The following ZER1 variants were observed in gnomAD, a reference collection of about 807,000 sequenced individuals.
ZER1 encodes the protein zyg-11 related cell cycle regulator.
A neutral mutation model predicts 78.8 loss-of-function variants in ZER1; 11 were observed. The ratio of observed to expected loss-of-function variants is 0.14; its 90% CI spans 0.09 to 0.23. ZER1 has a LOEUF of 0.23. Among genes scored for constraint, ZER1 ranks in the 10% least tolerant of loss-of-function variants. The pLI is 1.00. For missense variants in ZER1, 588 were observed against 996.9 expected, an observed-to-expected ratio of 0.59 and a Z score of 5.52; for synonymous variants, 400 against 407.0, an observed-to-expected ratio of 0.98 and a Z score of 0.21.
rs767259683 is a variant in ZER1 at position 128,755,587 on chromosome 9, C to T, written c.-22G>A. On this transcript the variant is annotated 5_prime_UTR_variant, in exon 2 of 16. Transcript: ENST00000291900. The surrounding 1 kb of genome is among the most constrained non-coding windows in gnomAD (Gnocchi z 5.6). The stretch of plus-strand genomic sequence containing the variant: ...CCATGCTGGGGGCAAGCAGGTGGGC[C>T]ACTCCAGGACAAGGATCCCCAGGGG... 2 of 1,598,990 alleles carry T rather than the reference C, an allele frequency of 1.3e-6. No individual in the cohort carries two copies. Among genetic ancestry groups the T allele is most frequent in the Non-Finnish European group, 1.7e-6 (2 of 1,167,674 alleles).
At chr9:128,743,075 AC>A (rs961783164) in intron 8 of ZER1, among the ~76,000 whole-genome samples, 2 of 147,644 alleles carry the variant, frequency 1.4e-5, no homozygotes, top group Non-Finnish European at 3.0e-5. Context: ...TAGCCCTTCG[AC>A]CCCCCTAGAG....
rs372746115 is a variant in ZER1, at chr9:128,767,302, A to G, written c.-95+4279T>C. Among the ~76,000 whole-genome samples, 249 of 152,134 alleles carry G rather than the reference A, an allele frequency of 1.6e-3. 1 individual carries two copies. Among genetic ancestry groups the G allele is most frequent in the African/African-American group, 5.6e-3 (231 of 41,512 alleles). On this transcript the variant is annotated intron_variant, in intron 1 of 15. Transcript: ENST00000291900. ...CACTCTGTCACCCAGGCTGGAGTGC[A>G]GTGGTACGATCTCAGCTCGCTGCAA...
intron 1 of ZER1, among the ~76,000 whole-genome samples, chr9:128,762,984 T>C (rs1864095571): frequency 6.6e-6 from 1 of 152,186 alleles, no homozygotes; most frequent in South Asian, 2.1e-4. Flanking sequence ...TCTGGCCTAC[T>C]TGGTCCCCAC....
rs376679835 is a variant in ZER1 at position 128,740,375 on chromosome 9, C to A, written c.1854-256G>T. Among the ~76,000 whole-genome samples the A allele has an allele frequency of 1.2e-4, 19 of 152,038 alleles. No homozygotes were observed. Among genetic ancestry groups the A allele is most frequent in the Non-Finnish European group, 2.4e-4 (16 of 68,018 alleles). On this transcript the variant is annotated intron_variant, in intron 12 of 15. Transcript: ENST00000291900. This position sits in a 1 kb window ranked among gnomAD's most constrained non-coding sequence, Gnocchi z 4.4. ...CAGGTGGATCACGAGGTCCGGAGAT[C>A]GAGACCATCCTGGCTAACATGGTGA...
At position 128,740,533 on chromosome 9, in the gene ZER1, T is replaced by C. The variant is rs1290959946; in HGVS notation, c.1853+239A>G. Among the ~76,000 whole-genome samples, 3 of 151,482 alleles carry C rather than the reference T, an allele frequency of 2.0e-5. No individual in the cohort carries two copies. Among genetic ancestry groups the C allele is most frequent in the African/African-American group, 7.3e-5 (3 of 41,128 alleles). ...AGGCAGAGCTTGCAGTGAGCCTAGA[T>C]TGTGCCACTGCACTTCAGCCTGGGT... On this transcript the variant is annotated intron_variant, in intron 12 of 15. Transcript: ENST00000291900. The surrounding 1 kb of genome is among the most constrained non-coding windows in gnomAD (Gnocchi z 4.4).
In ZER1 at chr9:128,730,320, C is replaced by T. The variant is rs2132367010; in HGVS notation, c.*1017G>A. The stretch of plus-strand genomic sequence containing the variant: ...ACTGCAGGGCAGTCCGAGTGCTGGT[C>T]TGGAGGCGGCTGTGTGGCCGTTGTG... On this transcript the variant is annotated 3_prime_UTR_variant, in exon 16 of 16. Coordinates refer to ENST00000291900, the MANE Select transcript of ZER1 (RefSeq NM_006336.4). 6.6e-6 allele frequency: 1 copy of T among 152,350 alleles called. No individual in the cohort carries two copies. The highest frequency in any genetic ancestry group is 3.4e-3 in the Middle Eastern group (1 of 298). 9.4% of individuals were successfully genotyped at this position (152,350 alleles called of 1,614,324 possible).
At position 128,742,679 on chromosome 9, in the gene ZER1, G is replaced by A. The variant is rs201770268; in HGVS notation, c.1426C>T (p.Arg476Cys). ...SIPEELEFQY[R>C]RVNELLLSIL... ...CTGAGCAGGAGCTCGTTGACCCGGC[G>A]GTACTGGAATTCCAGCTCCTCGGGG... The change falls in exon 9 of 16, where the codon CGC (arginine) becomes TGC (cysteine). Residue 476 changes from arginine (R) to cysteine (C), a missense_variant. Physicochemically the swap from Arg to Cys is radical, Grantham distance 180. This residue lies in a region of ZER1 where 406 missense variants were observed against 660.1 expected (regional missense o/e 0.62). Transcript: ENST00000291900. 65 of 1,614,042 alleles carry A rather than the reference G, an allele frequency of 4.0e-5. No homozygotes were observed. Among genetic ancestry groups the A allele is most frequent in the Non-Finnish European group, 1.8e-5 (21 of 1,180,034 alleles).
chr9:128,769,076 G>A (rs1589552171), intron 1 of ZER1, among the ~76,000 whole-genome samples: 1 of 151,950 alleles, frequency 6.6e-6, no homozygotes, highest in Non-Finnish European at 1.5e-5. Flanking sequence ...ATCACCCTCC[G>A]CTGCTGTCAG....
At chr9:128,762,585 T>C (rs1370008440) in intron 1 of ZER1, among the ~76,000 whole-genome samples, 1 of 152,188 alleles carries the variant, frequency 6.6e-6, no homozygotes, top group Non-Finnish European at 1.5e-5. Context: ...TGGAATAATA[T>C]CAAAAGGGCT....
In ZER1 at chr9:128,771,560, G is replaced by T. The variant is rs878946685; in HGVS notation, c.-95+21C>A. 8.5e-5 allele frequency: 13 copies of T among 152,536 alleles called. No homozygotes were observed. In the East Asian group the frequency reaches 2.5e-3, roughly 29 times the overall value. 9.4% of individuals were successfully genotyped at this position (152,536 alleles called of 1,614,324 possible). On this transcript the variant is annotated intron_variant, in intron 1 of 15. Transcript: ENST00000291900. ...GGAGGAGGACGCAGGTACGTCCCTT[G>T]GCCCGGGGTCCGGGACCTACCCTGG...
At chr9:128,738,637 T>A (rs1358350996) in intron 13 of ZER1, among the ~76,000 whole-genome samples, 2 of 151,866 alleles carry the variant, frequency 1.3e-5, no homozygotes, top group African/African-American at 4.8e-5. Flanking sequence ...CGCCCGCCTC[T>A]GCCTCCCAAA....
intron 14 of ZER1, among the ~76,000 whole-genome samples, chr9:128,734,426 G>A (rs1274752601): frequency 6.6e-6 from 1 of 151,136 alleles, no homozygotes; most frequent in African/African-American, 2.4e-5. Context: ...CAAACTCTTG[G>A]CCTCAAATGA....
Position 128,733,522 on chromosome 9 carries a change from T to G in ZER1, c.2147A>C (p.Lys716Thr). The change falls in exon 15 of 16, where the codon AAG becomes ACG. Residue 716 changes from lysine (K) to threonine (T), a missense_variant. This residue lies in a region of ZER1 where 122 missense variants were observed against 173.5 expected (regional missense o/e 0.70). Transcript: ENST00000291900. The part of the protein sequence containing the change: ...LYNLVSVYPD[K>T]YCPLLIKEGG... The stretch of plus-strand genomic sequence containing the variant: ...TTCTTTGATCAGCAGAGGGCAGTAC[T>G]TGTCCGCTGTGGGATAGGAGCAGAC... 6.2e-7 allele frequency: 1 copy of G among 1,612,822 alleles called. No individual in the cohort carries two copies. The highest frequency in any genetic ancestry group is 1.7e-5 in the Admixed American group (1 of 59,946).
chr9:128,771,557 C>G (rs977690456), intron 1 of ZER1, 24 bp downstream of exon 1: 2 of 152,436 alleles, frequency 1.3e-5, no homozygotes, highest in Non-Finnish European at 2.9e-5. Context: ...AGGTACGTCC[C>G]TTGGCCCGGG....
In ZER1 at chr9:128,741,849, C is replaced by T; in HGVS notation, c.1576-8G>A. On this transcript the variant is annotated splice_polypyrimidine_tract_variant and splice_region_variant and intron_variant, in intron 9 of 15. Transcript: ENST00000291900. ...AATCAGCTTCAGCATGGTCTGCAGGCAGGGACAAGAGTCTGCTAGAGTGCT... is the reference window on the plus strand; with the variant it reads ...AATCAGCTTCAGCATGGTCTGCAGGTAGGGACAAGAGTCTGCTAGAGTGCT... 6.2e-7 allele frequency: 1 copy of T among 1,614,216 alleles called. No individual in the cohort carries two copies. The highest frequency in any genetic ancestry group is 8.5e-7 in the Non-Finnish European group (1 of 1,180,034).
intron 14 of ZER1, among the ~76,000 whole-genome samples, chr9:128,734,144 A>AAAAAAAAAAAAAATATATATATAT: frequency 6.9e-5 from 1 of 14,456 alleles, no homozygotes; most frequent in Non-Finnish European, 1.4e-4. Context: ...AAAAAAAAAA[A>AAAAAAAAAAAAAATATATATATAT]ATATATATAT....
intron 1 of ZER1, among the ~76,000 whole-genome samples, chr9:128,771,136 G>T (rs1212484802): frequency 6.6e-6 from 1 of 152,218 alleles, no homozygotes; most frequent in Non-Finnish European, 1.5e-5. Context: ...GGCCAGCACA[G>T]TCAGTTTCAC....
At chr9:128,734,138 A>AT (rs1313739537) in intron 14 of ZER1, among the ~76,000 whole-genome samples, 1 of 17,780 alleles carries the variant, frequency 5.6e-5, no homozygotes, top group Non-Finnish European at 1.5e-4. Flanking sequence ...AAAAAAAAAA[A>AT]AAAAAAATAT....
chr9:128,740,339 G>T lies in ZER1; in HGVS notation c.1854-220C>A, dbSNP rs1047343829. Reference sequence around the variant, plus strand: ...TCACGCCTGTAATCCCAGCACTTTGGGAGGTCAAGGCAGGTGGATCACGAG... The same window carrying T: ...TCACGCCTGTAATCCCAGCACTTTGTGAGGTCAAGGCAGGTGGATCACGAG... On this transcript the variant is annotated intron_variant, in intron 12 of 15. Coordinates refer to ENST00000291900, the MANE Select transcript of ZER1 (RefSeq NM_006336.4). This position sits in a 1 kb window ranked among gnomAD's most constrained non-coding sequence, Gnocchi z 4.4. Among the ~76,000 whole-genome samples the T allele has an allele frequency of 6.6e-6, 1 of 152,200 alleles. No homozygotes were observed. The highest frequency in any genetic ancestry group is 2.4e-5 in the African/African-American group (1 of 41,452).
Sources: gnomAD v4.1 joint callset for allele counts (sites outside exome capture counted in the v4.1 genomes callset) on GRCh38, gnomAD v4.1.1 for gene constraint, gnomAD v4.1.1 regional missense constraint, Gnocchi (gnomAD v3.1) non-coding constraint, MANE v1.5 for transcripts, NCBI Gene and HGNC (gene_info 2026-07-23, HGNC 2026-07-21) for gene names.